The following RAB38 variants were observed in gnomAD, a reference collection of about 807,000 sequenced individuals.
The protein encoded by RAB38 is ras-related protein Rab-38.
Under a neutral mutation model 18.4 loss-of-function variants are expected in RAB38, and 15 were observed. That is an observed-to-expected ratio of 0.82 (90% confidence interval 0.55 to 1.26). The LOEUF (loss-of-function observed/expected upper bound fraction) is 1.26, where lower values mean the gene tolerates loss of function less well. Among genes scored for constraint, RAB38 ranks in the 50% most tolerant of loss-of-function variants. RAB38 has a pLI of 0.00. For synonymous variants in RAB38, 101 were observed against 104.4 expected (o/e 0.97, Z 0.20); for missense variants, 294 against 267.4 (o/e 1.10, Z -0.69).
chr11:87,814,335 G>C, the RAB38 span, among the ~76,000 whole-genome samples: 1 of 152,154 alleles, frequency 6.6e-6, no homozygotes, highest in African/African-American at 2.4e-5. Flanking sequence ...ATGTTAGCTA[G>C]GTTTGTTATA....
At chr11:88,048,684 C>T in the RAB38 span, among the ~76,000 whole-genome samples, 1 of 152,166 alleles carries the variant, frequency 6.6e-6, no homozygotes, top group Non-Finnish European at 1.5e-5. Flanking sequence ...TGTCTTCTGT[C>T]TAGCCATACT....
chr11:87,806,463 T>G, the RAB38 span, among the ~76,000 whole-genome samples: 1 of 152,144 alleles, frequency 6.6e-6, no homozygotes, highest in Admixed American at 6.6e-5. Context: ...GACCTAATCA[T>G]CTCTCAAAGG....
At chr11:87,941,247 G>GAGATATA in the RAB38 span, among the ~76,000 whole-genome samples, 1 of 30,872 alleles carries the variant, frequency 3.2e-5, no homozygotes, top group African/African-American at 1.4e-4. Flanking sequence ...ATATATATAT[G>GAGATATA]TAACTTCTAT....
chr11:87,922,141 A>G, the RAB38 span, among the ~76,000 whole-genome samples: 1 of 152,030 alleles, frequency 6.6e-6, no homozygotes, highest in Non-Finnish European at 1.5e-5. Context: ...AGAACACAAT[A>G]AACTCCACTT....
the RAB38 span, among the ~76,000 whole-genome samples, chr11:87,932,862 A>G: frequency 6.6e-6 from 1 of 152,116 alleles, no homozygotes; most frequent in Non-Finnish European, 1.5e-5. Context: ...TCCTAATTCT[A>G]GAATCAGCAG....
At chr11:88,047,298 C>T in the RAB38 span, among the ~76,000 whole-genome samples, 1 of 152,192 alleles carries the variant, frequency 6.6e-6, no homozygotes, top group Admixed American at 6.5e-5. Context: ...GACTGTATCT[C>T]TCTGATCCAC....
chr11:88,174,620 C>CAAAAAAAAAAAAA (rs60026669), intron 1 of RAB38, among the ~76,000 whole-genome samples: 277 of 100,830 alleles, frequency 2.7e-3, no homozygotes, highest in African/African-American at 4.7e-3. Context: ...AAGCAAAAAG[C>CAAAAAAAAAAAAA]AAAAAAAAAA....
At chr11:88,030,591 C>CT in the RAB38 span, among the ~76,000 whole-genome samples, 30 of 152,134 alleles carry the variant, frequency 2.0e-4, no homozygotes, top group African/African-American at 7.0e-4. Context: ...TCAGAGAATA[C>CT]AAAAACACCT....
chr11:88,008,376 A>G, the RAB38 span, among the ~76,000 whole-genome samples: 1 of 152,178 alleles, frequency 6.6e-6, no homozygotes, highest in East Asian at 1.9e-4. Context: ...AAATGATGTG[A>G]AAAACAAAAG....
chr11:87,924,306 C>T, the RAB38 span, among the ~76,000 whole-genome samples: 12 of 152,050 alleles, frequency 7.9e-5, no homozygotes, highest in African/African-American at 2.6e-4. Flanking sequence ...CCTTCACCTG[C>T]AGTGCAAAAA....
At chr11:88,042,432 C>T in the RAB38 span, among the ~76,000 whole-genome samples, 1 of 152,192 alleles carries the variant, frequency 6.6e-6, no homozygotes. Flanking sequence ...CTCATTATTC[C>T]TGTCTGACAC....
At chr11:87,907,977 T>G in the RAB38 span, among the ~76,000 whole-genome samples, 1 of 151,872 alleles carries the variant, frequency 6.6e-6, no homozygotes, top group Non-Finnish European at 1.5e-5. Flanking sequence ...TCTGATTTAC[T>G]GATTCTAATG....
At chr11:87,949,988 G>A in the RAB38 span, among the ~76,000 whole-genome samples, 33 of 152,000 alleles carry the variant, frequency 2.2e-4, no homozygotes, top group Admixed American at 2.2e-3. Context: ...TTGACAGTGG[G>A]GTGTTAAAGT....
chr11:88,027,452 G>A, the RAB38 span, among the ~76,000 whole-genome samples: 1 of 152,188 alleles, frequency 6.6e-6, no homozygotes, highest in African/African-American at 2.4e-5. Flanking sequence ...AGGGGTCAGG[G>A]AGTTCCCTTT....
At chr11:88,027,296 G>A in the RAB38 span, among the ~76,000 whole-genome samples, 817 of 152,242 alleles carry the variant, frequency 5.4e-3, 4 homozygotes, top group African/African-American at 0.018. Flanking sequence ...TGTGAGCGAC[G>A]CAGAAGACGG....
the RAB38 span, among the ~76,000 whole-genome samples, chr11:87,952,982 T>TAAAACATTTAAAAC: frequency 1.3e-5 from 2 of 151,872 alleles, no homozygotes; most frequent in African/African-American, 4.9e-5. Context: ...CATTTAAACA[T>TAAAACATTTAAAAC]AAAACATTTA....
At chr11:88,021,213 G>C in the RAB38 span, among the ~76,000 whole-genome samples, 1 of 152,100 alleles carries the variant, frequency 6.6e-6, no homozygotes, top group African/African-American at 2.4e-5. Flanking sequence ...CACTAAGAAA[G>C]AGAGAAGACC....
the RAB38 span, among the ~76,000 whole-genome samples, chr11:88,032,810 A>T: frequency 6.6e-6 from 1 of 152,252 alleles, no homozygotes; most frequent in Non-Finnish European, 1.5e-5. Flanking sequence ...ATTGTGGAAG[A>T]CAGTGTGGCG....
chr11:88,067,233 TA>T, the RAB38 span, among the ~76,000 whole-genome samples: 1 of 152,122 alleles, frequency 6.6e-6, no homozygotes, highest in African/African-American at 2.4e-5. Context: ...TAAAGCAAGA[TA>T]TTTTTTAAAG....
Sources: gnomAD v4.1 joint callset for allele counts (sites outside exome capture counted in the v4.1 genomes callset) on GRCh38, gnomAD v4.1.1 for gene constraint, MANE v1.5 for transcripts, NCBI Gene and HGNC (gene_info 2026-07-23, HGNC 2026-07-21) for gene names.